Variants in TDRD12 observed in about 807,000 individuals in gnomAD.
TDRD12 encodes the protein tudor domain containing 12, also known as putative ATP-dependent RNA helicase TDRD12.
In TDRD12, 158 loss-of-function variants were observed where a neutral mutation model predicts 133.5. That is an observed-to-expected ratio of 1.18 (90% CI 1.04 to 1.35). TDRD12 has a LOEUF of 1.35. TDRD12 is among the 40% of genes most tolerant of loss of function. The pLI, the probability that TDRD12 is intolerant of heterozygous loss-of-function variation, is 0.00. For missense variants in TDRD12, 1,443 were observed against 1,321.3 expected, an observed-to-expected ratio of 1.09 and a Z score of -1.43; for synonymous variants, 460 against 477.9, an observed-to-expected ratio of 0.96 and a Z score of 0.49.
chr19:32,720,332 A>C (rs1599811247), intron 1 of TDRD12, among the ~76,000 whole-genome samples: 4 of 46,174 alleles, frequency 8.7e-5, no homozygotes, highest in East Asian at 1.6e-3. Flanking sequence ...CCCCATGTCC[A>C]CTCCCTCTCA....
At chr19:32,806,599 C>T (rs139212124) in intron 21 of TDRD12, among the ~76,000 whole-genome samples, 181 of 152,256 alleles carry the variant, frequency 1.2e-3, no homozygotes, top group Middle Eastern at 3.4e-3. Flanking sequence ...TCCTCAGCCT[C>T]CCACAGTGCT....
At chr19:32,791,013 A>T (rs1340695317) in exon 13 of TDRD12, 1 of 1,536,102 alleles carries the variant, frequency 6.5e-7, no homozygotes, top group East Asian at 2.4e-5. Context: ...CTCCGGAACA[A>T]GATCAAGCCC....
At chr19:32,723,697 G>A (rs1212402596) in intron 1 of TDRD12, among the ~76,000 whole-genome samples, 1 of 150,596 alleles carries the variant, frequency 6.6e-6, no homozygotes, top group Non-Finnish European at 1.5e-5. Context: ...TGCTGGAATG[G>A]AGTTGTATTT....
intron 27 of TDRD12, 118 bp from the exon 28 acceptor site, chr19:32,820,915 T>C: frequency 1.4e-6 from 1 of 711,832 alleles, no homozygotes; most frequent in Non-Finnish European, 2.3e-6. Flanking sequence ...TCATAAGCTC[T>C]ACGTGGGTCT....
intron 1 of TDRD12, among the ~76,000 whole-genome samples, chr19:32,729,228 T>C (rs1968962106): frequency 6.8e-6 from 1 of 146,148 alleles, no homozygotes; most frequent in African/African-American, 2.5e-5. Flanking sequence ...TTTGTTTTTT[T>C]TTTTTGTGAG....
intron 12 of TDRD12, 38 bp from the exon 13 acceptor site, chr19:32,790,926 G>C: frequency 1.3e-6 from 2 of 1,526,564 alleles, no homozygotes; most frequent in African/African-American, 1.4e-5. Flanking sequence ...TGACGCCTCA[G>C]GGCAGACACT....
downstream of TDRD12, chr19:32,821,316 G>A (rs897838081): frequency 8.4e-5 from 52 of 618,418 alleles, no homozygotes; most frequent in Non-Finnish European, 1.1e-4. Flanking sequence ...TGTAGTTTGA[G>A]GTCTAACTTC....
intron 6 of TDRD12, among the ~76,000 whole-genome samples, chr19:32,755,576 C>T (rs1969968232): frequency 6.6e-6 from 1 of 152,210 alleles, no homozygotes; most frequent in South Asian, 2.1e-4. Context: ...ATTCTGGATA[C>T]ATGTCATCCG....
At chr19:32,798,905 A>G (rs12462375) in intron 16 of TDRD12, among the ~76,000 whole-genome samples, 17,120 of 152,282 alleles carry the variant, frequency 0.11, 1,023 homozygotes, top group Middle Eastern at 0.15. Flanking sequence ...AGGGCGCAGC[A>G]GCGTAAGGGC....
chr19:32,720,200 T>G, intron 1 of TDRD12, 104 bp downstream of exon 1: 5 of 1,055,582 alleles, frequency 4.7e-6, no homozygotes, highest in South Asian at 1.4e-5. Flanking sequence ...CACAGCTTCC[T>G]ACACCCACCG....
exon 21 of TDRD12, chr19:32,803,009 C>A: frequency 6.5e-7 from 1 of 1,536,044 alleles, no homozygotes; most frequent in Non-Finnish European, 8.7e-7. Flanking sequence ...GGGCGTCCTG[C>A]GCTACTTGGA....
intron 8 of TDRD12, among the ~76,000 whole-genome samples, chr19:32,766,418 T>A (rs1256263727): frequency 6.6e-6 from 1 of 152,214 alleles, no homozygotes; most frequent in East Asian, 1.9e-4. Flanking sequence ...ACAGTCACCC[T>A]GTTGTGCTAT....
At chr19:32,753,330 A>C (rs1054465810) in intron 6 of TDRD12, among the ~76,000 whole-genome samples, 2 of 152,160 alleles carry the variant, frequency 1.3e-5, no homozygotes, top group African/African-American at 2.4e-5. Flanking sequence ...ATTTGAATCC[A>C]GCACCATAGG....
chr19:32,794,737 C>G (rs1487763550), exon 14 of TDRD12: 3 of 703,278 alleles, frequency 4.3e-6, no homozygotes, highest in Non-Finnish European at 5.2e-6. Flanking sequence ...GAAAGCAACC[C>G]TTTGCTCTAC....
intron 21 of TDRD12, among the ~76,000 whole-genome samples, chr19:32,805,406 A>G (rs904018686): frequency 3.1e-4 from 47 of 151,808 alleles, no homozygotes; most frequent in African/African-American, 1.1e-3. Context: ...AAAGAAAAAA[A>G]AAATATGTGT....
rs530332607 is a variant in TDRD12, at chr19:32,740,483, C to T, written c.320+1491C>T. ...GTACTCTGCATCTCCTGGGTGCTCT[C>T]TGCATCTCCTGTGTTCTCTGCATCT... is the stretch of plus-strand genomic sequence containing the variant. On this transcript the variant is annotated intron_variant, in intron 3 of 27. Coordinates refer to ENST00000444215, the Ensembl canonical transcript of TDRD12. Among the ~76,000 whole-genome samples the T allele has an allele frequency of 6.5e-4, 98 of 151,770 alleles. 1 individual carries two copies. Among genetic ancestry groups the T allele is most frequent in the Non-Finnish European group, 5.4e-4 (37 of 67,948 alleles).
chr19:32,797,505 C>CT (rs1971265010), intron 14 of TDRD12, among the ~76,000 whole-genome samples: 1 of 152,156 alleles, frequency 6.6e-6, no homozygotes, highest in East Asian at 1.9e-4. Flanking sequence ...ATCTTAAGAG[C>CT]TAAATGAATG....
At chr19:32,797,770 G>A (rs1971273098) in exon 15 of TDRD12, 2 of 700,458 alleles carry the variant, frequency 2.9e-6, no homozygotes, top group Non-Finnish European at 5.2e-6. Context: ...GGTGGAAGAA[G>A]GCCCAATTTA....
intron 14 of TDRD12, among the ~76,000 whole-genome samples, chr19:32,797,261 G>A (rs1431069304): frequency 4.6e-5 from 7 of 152,106 alleles, no homozygotes; most frequent in African/African-American, 1.4e-4. Flanking sequence ...GATTACAGGC[G>A]TGAGCCACTA....
Sources: allele counts gnomAD v4.1 joint callset (sites outside exome capture counted in the v4.1 genomes callset), GRCh38; gene constraint gnomAD v4.1.1; transcripts MANE v1.5; gene names NCBI Gene and HGNC (gene_info 2026-07-23, HGNC 2026-07-21).